NELL1: variants seen among roughly 807,000 people sequenced by gnomAD.
The protein encoded by NELL1 is neural EGFL like 1, also known as protein kinase C-binding protein NELL1.
Under a neutral mutation model 107.4 loss-of-function variants are expected in NELL1, and 76 were observed. The ratio of observed to expected loss-of-function variants is 0.71; its 90% CI spans 0.59 to 0.86. The LOEUF is 0.86. Ranked by LOEUF, NELL1 falls within the 40% of genes least tolerant of loss-of-function variation. NELL1 has a pLI of 0.00. For synonymous variants in NELL1, 353 were observed against 341.2 expected (o/e 1.03, Z -0.38); for missense variants, 1,024 against 1,005.5 (o/e 1.02, Z -0.25).
At chr11:21,371,071 G>A (rs561323323) in intron 15 of NELL1, 123 bp downstream of exon 15, 20 of 714,554 alleles carry the variant, frequency 2.8e-5, no homozygotes, top group South Asian at 1.2e-4. Context: ...GTGTTGTGAC[G>A]GTGGATGGAG....
intron 15 of NELL1, among the ~76,000 whole-genome samples, chr11:21,386,596 G>A (rs560462262): frequency 5.9e-5 from 9 of 151,724 alleles, no homozygotes; most frequent in African/African-American, 1.7e-4. Context: ...AAAGAACTGC[G>A]GACTGCACTA....
At chr11:21,057,560 A>G (rs760319328) in intron 12 of NELL1, among the ~76,000 whole-genome samples, 1 of 152,006 alleles carries the variant, frequency 6.6e-6, no homozygotes, top group Non-Finnish European at 1.5e-5. Context: ...TAACAACAAG[A>G]AACTGGTCAA....
chr11:21,299,218 A>G (rs1035089957), intron 14 of NELL1, among the ~76,000 whole-genome samples: 1 of 151,992 alleles, frequency 6.6e-6, no homozygotes, highest in African/African-American at 2.4e-5. Context: ...AGCTTTATTA[A>G]GAAATCTGTG....
chr11:20,998,404 G>T (rs796610379), intron 12 of NELL1, among the ~76,000 whole-genome samples: 1 of 151,972 alleles, frequency 6.6e-6, no homozygotes, highest in Non-Finnish European at 1.5e-5. Context: ...GCTGAATTTT[G>T]TTTGTTACCC....
At chr11:20,692,536 C>A (rs144939758) in intron 2 of NELL1, among the ~76,000 whole-genome samples, 2 of 147,892 alleles carry the variant, frequency 1.4e-5, no homozygotes, top group Admixed American at 6.7e-5. Context: ...CCTTCATTTC[C>A]TTATGTACCC....
At chr11:21,051,321 G>A (rs960425034) in intron 12 of NELL1, among the ~76,000 whole-genome samples, 1 of 152,132 alleles carries the variant, frequency 6.6e-6, no homozygotes, top group African/African-American at 2.4e-5. Context: ...ACTTGTAAAT[G>A]GGAGCTAAGC....
At chr11:21,445,942 T>C (rs973239070) in intron 15 of NELL1, among the ~76,000 whole-genome samples, 3 of 152,124 alleles carry the variant, frequency 2.0e-5, no homozygotes, top group African/African-American at 2.4e-5. Flanking sequence ...TCTACCCCTA[T>C]TAATCTCTCT....
At chr11:20,753,421 A>G (rs1045668917) in intron 2 of NELL1, among the ~76,000 whole-genome samples, 9 of 77,320 alleles carry the variant, frequency 1.2e-4, no homozygotes, top group African/African-American at 3.0e-4. Context: ...ATACACTCAT[A>G]TGTCATATTT....
intron 15 of NELL1, among the ~76,000 whole-genome samples, chr11:21,481,194 A>G (rs1316639299): frequency 6.6e-6 from 1 of 152,216 alleles, no homozygotes; most frequent in African/African-American, 2.4e-5. Flanking sequence ...TCTAATGTGA[A>G]TGACCCACAG....
intron 4 of NELL1, among the ~76,000 whole-genome samples, chr11:20,854,142 C>G (rs1848838324): frequency 6.6e-6 from 1 of 152,118 alleles, no homozygotes; most frequent in African/African-American, 2.4e-5. Context: ...CATGGATGAG[C>G]AAAATATGTA....
intron 3 of NELL1, among the ~76,000 whole-genome samples, chr11:20,792,597 T>C (rs1404582196): frequency 1.3e-5 from 2 of 152,018 alleles, no homozygotes; most frequent in African/African-American, 4.8e-5. Context: ...AAATATCTTT[T>C]CAGTGTGCAT....
chr11:21,203,799 G>A (rs1262801701), intron 13 of NELL1, among the ~76,000 whole-genome samples: 6 of 152,110 alleles, frequency 3.9e-5, no homozygotes, highest in East Asian at 1.9e-4. Flanking sequence ...TTGTAAGGCC[G>A]GTCTGGTGGT....
Position 20,826,137 on chromosome 11 carries a change from A to G in NELL1, c.336-21446A>G, listed in dbSNP as rs1048814158. On this transcript the variant is annotated intron_variant, in intron 3 of 19. Transcript: ENST00000357134. ...CCTGAGGCCTCCCCAGCCATGCTGA[A>G]CTGTGTTTCAAACCTCTTTCTTTTA... Among the ~76,000 whole-genome samples the G allele has an allele frequency of 6.6e-5, 10 of 151,278 alleles. No homozygotes were observed. The Admixed American group carries it at 6.6e-4, about 10-fold the overall frequency.
chr11:21,428,115 G>A (rs1029446180), intron 15 of NELL1, among the ~76,000 whole-genome samples: 5 of 152,156 alleles, frequency 3.3e-5, no homozygotes, highest in Admixed American at 1.3e-4. Context: ...CAGAGAACAC[G>A]TAGGGAATGT....
At chr11:21,565,973 T>C (rs1344787878) in intron 17 of NELL1, among the ~76,000 whole-genome samples, 3 of 151,942 alleles carry the variant, frequency 2.0e-5, no homozygotes, top group African/African-American at 7.2e-5. Context: ...AACCCTAATT[T>C]CATAGTCTAT....
At chr11:21,569,455 TATGATGATGATGATGATG>T (rs147067365) in intron 17 of NELL1, among the ~76,000 whole-genome samples, 265 of 149,770 alleles carry the variant, frequency 1.8e-3, no homozygotes, top group Admixed American at 3.1e-3. Context: ...CATGGTAGAA[TATGATGATGATGATGATG>T]ATGATGATGA....
chr11:21,039,842 C>T (rs1003221144), intron 12 of NELL1, among the ~76,000 whole-genome samples: 7 of 152,036 alleles, frequency 4.6e-5, no homozygotes, highest in African/African-American at 1.7e-4. Flanking sequence ...ATCTCTAATG[C>T]CCTTATTCTA....
intron 15 of NELL1, among the ~76,000 whole-genome samples, chr11:21,408,446 C>T (rs1852286340): frequency 1.3e-5 from 2 of 151,990 alleles, no homozygotes; most frequent in African/African-American, 4.8e-5. Flanking sequence ...TGCTTTAGGG[C>T]TTTGAGTTCT....
chr11:20,802,208 A>G (rs1857293573), intron 3 of NELL1, among the ~76,000 whole-genome samples: 1 of 152,038 alleles, frequency 6.6e-6, no homozygotes, highest in African/African-American at 2.4e-5. Context: ...AATTCTTCCA[A>G]TCCATGAATG....
Sources: allele counts gnomAD v4.1 joint callset (sites outside exome capture counted in the v4.1 genomes callset), GRCh38; gene constraint gnomAD v4.1.1; transcripts MANE v1.5; gene names NCBI Gene and HGNC (gene_info 2026-07-23, HGNC 2026-07-21).